Variants in UBR4 observed in about 807,000 individuals in gnomAD.
UBR4 encodes ubiquitin protein ligase E3 component n-recognin 4, also known as E3 ubiquitin-protein ligase UBR4.
A neutral mutation model predicts 575.6 loss-of-function variants in UBR4; 124 were observed. The observed-to-expected ratio is 0.22, with a 90% CI of 0.19 to 0.25. The LOEUF (loss-of-function observed/expected upper bound fraction) is 0.25. UBR4 is among the 10% of genes least tolerant of loss of function. The pLI is 1.00. For missense variants in UBR4, 4,818 were observed against 6,478.8 expected (o/e 0.74, Z 8.80); for synonymous variants, 2,455 against 2,473.7 (o/e 0.99, Z 0.22).
rs1254328440 is a variant in UBR4, at chr1:19,177,488, G to A, written c.2610C>T (p.Ser870=). ...GCTCAAATAGATACACAGGGGCTTT[G>A]GAGTACTGATGAAGCAGATAATCAA... is the stretch of plus-strand genomic sequence containing the variant. ...LIFDYLLHQY[S]KAPVYLFEQV... The change falls in exon 19 of 106, where the codon TCC becomes TCT. Residue 870 remains serine, a synonymous_variant. Coordinates refer to ENST00000375254, the MANE Select transcript of UBR4 (RefSeq NM_020765.3). The A allele has an allele frequency of 6.2e-7, 1 of 1,614,060 alleles. No individual in the cohort carries two copies. Among genetic ancestry groups the A allele is most frequent in the African/African-American group, 1.3e-5 (1 of 74,938 alleles).
chr1:19,147,083 C>T (rs2084971819), intron 51 of UBR4, 83 bp from the exon 52 acceptor site: 1 of 1,454,076 alleles, frequency 6.9e-7, no homozygotes, highest in South Asian at 1.5e-5. Flanking sequence ...GCTGGCAGAT[C>T]ACCAGGATTA....
Position 19,110,898 on chromosome 1 carries a change from A to T in UBR4, c.11802-66T>A. 6.7e-7 allele frequency: 1 copy of T among 1,502,170 alleles called. No individual in the cohort carries two copies. The highest frequency in any genetic ancestry group is 1.2e-5 in the South Asian group (1 of 83,036). The allele number at this position is 1,502,170 out of a possible 1,614,324, so 93.1% of individuals were successfully genotyped here. On this transcript the variant is annotated intron_variant, in intron 78 of 105. Transcript: ENST00000375254. This position sits in a 1 kb window ranked among gnomAD's most constrained non-coding sequence, Gnocchi z 4.5. ...CAGGTGTGACACTCCTTTCCACCTG[A>T]AGGGGCCCAGGGAAAATGAAATCAA...
intron 60 of UBR4, among the ~76,000 whole-genome samples, chr1:19,136,085 T>C (rs966134200): frequency 1.3e-5 from 2 of 152,132 alleles, no homozygotes; most frequent in African/African-American, 2.4e-5. Flanking sequence ...CAAAATTTTA[T>C]ACCCATCAAA....
chr1:19,119,525 G>T (rs375031871), intron 70 of UBR4, 32 bp downstream of exon 70: 1 of 1,596,836 alleles, frequency 6.3e-7, no homozygotes, highest in Admixed American at 1.7e-5. Context: ...AATATGGCAA[G>T]TTGGCCCCTC....
chr1:19,161,975 G>T, intron 35 of UBR4, 78 bp from the exon 36 acceptor site: 1 of 1,519,318 alleles, frequency 6.6e-7, no homozygotes, highest in Non-Finnish European at 9.0e-7. Flanking sequence ...GTGCCTCAAC[G>T]CCCTATGGCG....
In UBR4 at chr1:19,117,704, T is replaced by A. The variant is rs2080704120; in HGVS notation, c.10629+119A>T. ...AATAAATGTGGCAGATAAAAATTCCTACTATCGGTGACCAACCATTAGGAG... is the reference window on the plus strand; with the variant it reads ...AATAAATGTGGCAGATAAAAATTCCAACTATCGGTGACCAACCATTAGGAG... On this transcript the variant is annotated intron_variant, in intron 72 of 105. Coordinates refer to ENST00000375254, the MANE Select transcript of UBR4 (RefSeq NM_020765.3). This position sits in a 1 kb window ranked among gnomAD's most constrained non-coding sequence, Gnocchi z 4.0. 1 of 1,066,560 alleles carries A rather than the reference T, an allele frequency of 9.4e-7. No homozygotes were observed. The highest frequency in any genetic ancestry group is 1.6e-5 in the African/African-American group (1 of 63,140). 66.1% of individuals were successfully genotyped at this position (1,066,560 alleles called of 1,614,324 possible).
intron 105 of UBR4, 69 bp downstream of exon 105, chr1:19,076,671 A>C: frequency 6.2e-7 from 1 of 1,604,202 alleles, no homozygotes; most frequent in Non-Finnish European, 8.5e-7. Flanking sequence ...AAAGCTACGG[A>C]TGACCCACGG....
intron 60 of UBR4, among the ~76,000 whole-genome samples, chr1:19,129,708 C>G (rs945182552): frequency 1.3e-5 from 2 of 152,186 alleles, no homozygotes; most frequent in African/African-American, 4.8e-5. Flanking sequence ...TACAGCTGAC[C>G]TTCTGTACTA....
At chr1:19,181,639 G>A (rs2090970977) in intron 17 of UBR4, among the ~76,000 whole-genome samples, 1 of 151,982 alleles carries the variant, frequency 6.6e-6, no homozygotes, top group Admixed American at 6.6e-5. Context: ...ATAGTACCTG[G>A]CACATAGTAG....
chr1:19,143,858 G>C (rs2084452740), intron 55 of UBR4, 122 bp downstream of exon 55: 2 of 769,896 alleles, frequency 2.6e-6, no homozygotes, highest in South Asian at 3.9e-5. Context: ...TTAGAAAAAA[G>C]ACAGATACAT....
chr1:19,185,358 A>T (rs2151258255), intron 14 of UBR4, 72 bp from the exon 15 acceptor site: 1 of 1,410,838 alleles, frequency 7.1e-7, no homozygotes, highest in East Asian at 2.4e-5. Context: ...TGCTTCCTAA[A>T]AGTACTTAAG....
chr1:19,093,864 C>A lies in UBR4; in HGVS notation c.13937+85G>T. On this transcript the variant is annotated intron_variant, in intron 95 of 105. Transcript: ENST00000375254. This position sits in a 1 kb window ranked among gnomAD's most constrained non-coding sequence, Gnocchi z 4.8. ...AGGACACAAAAATCTAATAGGTATT[C>A]AGAGGATTCTTCCTCATCTCACAGA... is the stretch of plus-strand genomic sequence containing the variant. The A allele has an allele frequency of 6.9e-7, 1 of 1,445,708 alleles. No homozygotes were observed. The highest frequency in any genetic ancestry group is 9.4e-7 in the Non-Finnish European group (1 of 1,068,716). The allele number at this position is 1,445,708 out of a possible 1,614,324, so 89.6% of individuals were successfully genotyped here. A position where few individuals can be genotyped will look rare whatever the true frequency, so the allele number is the denominator to read the frequency against.
Position 19,173,056 on chromosome 1 carries a change from A to C in UBR4, c.3329T>G (p.Leu1110Trp). 1 of 1,614,254 alleles carries C rather than the reference A, an allele frequency of 6.2e-7. No homozygotes were observed. Among genetic ancestry groups the C allele is most frequent in the South Asian group, 1.1e-5 (1 of 91,088 alleles). Reference protein sequence around the residue: ...SFCSIDCTTILQLHEIPSLQS... With the variant: ...SFCSIDCTTIWQLHEIPSLQS... ...CAGACTGGGAATTTCATGCAGCTGC[A>C]AGATGGTGGTACAGTCGATACTACA... Residue 1110 changes from leucine (L) to tryptophan (W), a missense_variant, in exon 25 of 106, where the codon TTG becomes TGG. Around this residue, in one of 29 missense-constraint regions of UBR4, gnomAD observed 1,172 missense variants for 1,259.7 expected, o/e 0.93. Transcript: ENST00000375254.
chr1:19,139,363 CA>C lies in UBR4; in HGVS notation c.8594-144del. The C allele has an allele frequency of 8.7e-7, 1 of 1,152,432 alleles. No homozygotes were observed. The highest frequency in any genetic ancestry group is 1.1e-6 in the Non-Finnish European group (1 of 892,088). 71.4% of individuals were successfully genotyped at this position (1,152,432 alleles called of 1,614,324 possible). ...CAATGCAGTTTATATATCCTGTCGTCAAAGAAAAAAGGGAGAGATTTGCTTT... is the reference window on the plus strand; with the variant it reads ...CAATGCAGTTTATATATCCTGTCGTCAAGAAAAAAGGGAGAGATTTGCTTT... On this transcript the variant is annotated intron_variant, in intron 58 of 105. Coordinates refer to ENST00000375254, the MANE Select transcript of UBR4 (RefSeq NM_020765.3). The surrounding 1 kb of genome is among the most constrained non-coding windows in gnomAD (Gnocchi z 4.2).
chr1:19,193,354 A>G, intron 9 of UBR4, 79 bp downstream of exon 9: 2 of 1,558,928 alleles, frequency 1.3e-6, no homozygotes, highest in Non-Finnish European at 1.7e-6. Context: ...TCTTTCTTCT[A>G]TCATGGAAGA....
At chr1:19,160,840 G>A in intron 38 of UBR4, 77 bp downstream of exon 38, 1 of 1,368,220 alleles carries the variant, frequency 7.3e-7, no homozygotes, top group Non-Finnish European at 1.0e-6. Flanking sequence ...GGGGAGCCAT[G>A]TGCATTATTT....
chr1:19,155,874 A>AAATAATTT, intron 42 of UBR4, among the ~76,000 whole-genome samples: 2 of 152,364 alleles, frequency 1.3e-5, no homozygotes, highest in South Asian at 4.1e-4. Flanking sequence ...GGACAGACAT[A>AAATAATTT]CATAAATAAA....
chr1:19,104,856 C>G, intron 85 of UBR4, 190 bp from the exon 86 acceptor site: 1 of 1,120,268 alleles, frequency 8.9e-7, no homozygotes, highest in Non-Finnish European at 1.3e-6. Context: ...AAACTGTAAA[C>G]AGTCCAAATG....
intron 30 of UBR4, 99 bp from the exon 31 acceptor site, chr1:19,165,448 C>A: frequency 8.5e-7 from 1 of 1,171,676 alleles, no homozygotes. Context: ...GGGAAAATGA[C>A]CACTTATGAG....
Sources: gnomAD v4.1 joint callset for allele counts (sites outside exome capture counted in the v4.1 genomes callset) on GRCh38, gnomAD v4.1.1 for gene constraint, gnomAD v4.1.1 regional missense constraint, Gnocchi (gnomAD v3.1) non-coding constraint, MANE v1.5 for transcripts, NCBI Gene and HGNC (gene_info 2026-07-23, HGNC 2026-07-21) for gene names.